The following FUT9 variants were observed in gnomAD, a reference collection of about 807,000 sequenced individuals.
The protein encoded by FUT9 is 4-galactosyl-N-acetylglucosaminide 3-alpha-L-fucosyltransferase 9.
In FUT9, 15 loss-of-function variants were observed where a neutral mutation model predicts 29.7. The ratio of observed to expected loss-of-function variants is 0.51; its 90% CI spans 0.34 to 0.78. FUT9 has a LOEUF of 0.78. FUT9 is among the 30% of genes least tolerant of loss of function. The pLI, the probability that FUT9 is intolerant of heterozygous loss-of-function variation, is 0.01. For synonymous variants in FUT9, 169 were observed against 153.7 expected (o/e 1.10, Z -0.74); for missense variants, 319 against 425.4 (o/e 0.75, Z 2.20).
intron 1 of FUT9, among the ~76,000 whole-genome samples, chr6:96,105,914 T>A (rs1356216974): frequency 1.3e-5 from 2 of 152,214 alleles, no homozygotes; most frequent in Non-Finnish European, 2.9e-5. Flanking sequence ...AGCCATTAGA[T>A]GATTCTTATG....
chr6:96,120,079 T>A (rs1407780127), intron 2 of FUT9, among the ~76,000 whole-genome samples: 2 of 152,124 alleles, frequency 1.3e-5, no homozygotes, highest in African/African-American at 2.4e-5. Flanking sequence ...AAAAGAATAT[T>A]ATCAAATCTA....
intron 1 of FUT9, among the ~76,000 whole-genome samples, chr6:96,065,091 G>T (rs988703837): frequency 1.1e-4 from 16 of 152,220 alleles, no homozygotes; most frequent in African/African-American, 3.4e-4. Flanking sequence ...TTAGTAGAAA[G>T]AACACTAGAT....
chr6:96,198,357 A>C (rs1439957404), intron 2 of FUT9, among the ~76,000 whole-genome samples: 1 of 151,054 alleles, frequency 6.6e-6, no homozygotes, highest in Non-Finnish European at 1.5e-5. Flanking sequence ...TATGAGTGAG[A>C]ATATGCAGTG....
intron 2 of FUT9, among the ~76,000 whole-genome samples, chr6:96,172,066 T>C (rs1773122126): frequency 6.6e-6 from 1 of 152,102 alleles, no homozygotes; most frequent in Non-Finnish European, 1.5e-5. Flanking sequence ...AAGTTCAAGA[T>C]CAGGGTGTGA....
chr6:96,117,406 A>T (rs1421421380), intron 2 of FUT9, among the ~76,000 whole-genome samples: 1 of 152,222 alleles, frequency 6.6e-6, no homozygotes, highest in Non-Finnish European at 1.5e-5. Context: ...ATAGATACAG[A>T]AATGGGTCTA....
intron 1 of FUT9, among the ~76,000 whole-genome samples, chr6:96,016,876 G>A (rs1769989521): frequency 6.6e-6 from 1 of 152,168 alleles, no homozygotes; most frequent in Admixed American, 6.5e-5. Flanking sequence ...ATTATCAAGC[G>A]TGAAAAAATA....
At chr6:96,116,720 T>A (rs1270480056) in intron 2 of FUT9, among the ~76,000 whole-genome samples, 1 of 152,148 alleles carries the variant, frequency 6.6e-6, no homozygotes, top group Non-Finnish European at 1.5e-5. Context: ...ATTCAATGTA[T>A]CTTAAATTCT....
At chr6:96,132,877 A>G (rs1772273385) in intron 2 of FUT9, among the ~76,000 whole-genome samples, 1 of 152,110 alleles carries the variant, frequency 6.6e-6, no homozygotes. Flanking sequence ...CAAATACACA[A>G]AAAGCATATT....
At chr6:96,035,135 T>C (rs532192076) in intron 1 of FUT9, among the ~76,000 whole-genome samples, 48 of 151,760 alleles carry the variant, frequency 3.2e-4, no homozygotes, top group African/African-American at 1.2e-3. Context: ...TTACCTTCTG[T>C]AATAGATTAT....
At chr6:96,099,144 T>C (rs1464606923) in intron 1 of FUT9, among the ~76,000 whole-genome samples, 2 of 151,986 alleles carry the variant, frequency 1.3e-5, no homozygotes, top group African/African-American at 4.8e-5. Flanking sequence ...GATGTGAAAA[T>C]CTGTATAAAG....
At position 96,212,535 on chromosome 6, in the gene FUT9, GA is replaced by G. The variant is rs542050258; in HGVS notation, c.*8308del. 1.3e-3 allele frequency: 540 copies of G among 402,568 alleles called. 3 individuals are homozygous for G. Among genetic ancestry groups the G allele is most frequent in the African/African-American group, 0.01 (502 of 48,338 alleles). 24.9% of individuals were successfully genotyped at this position (402,568 alleles called of 1,614,324 possible). ...TGAGAACAAGATTTTACTTAGAAGG[GA>G]AAAAAAAGAACTTTCAGCTTAATCG... On this transcript the variant is annotated 3_prime_UTR_variant, in exon 3 of 3. Transcript: ENST00000302103.
intron 1 of FUT9, chr6:96,021,015 T>C (rs1770059360): frequency 6.6e-6 from 1 of 152,024 alleles, no homozygotes; most frequent in African/African-American, 2.4e-5. Context: ...GCTTAGAGTT[T>C]AAGTGGAGAA....
At chr6:96,115,206 C>T (rs1017030530) in intron 2 of FUT9, among the ~76,000 whole-genome samples, 5 of 152,044 alleles carry the variant, frequency 3.3e-5, no homozygotes, top group African/African-American at 1.2e-4. Context: ...TTTCTCATGG[C>T]CACATTTTTT....
At chr6:96,051,761 CA>C (rs1235519906) in intron 1 of FUT9, among the ~76,000 whole-genome samples, 2 of 151,674 alleles carry the variant, frequency 1.3e-5, no homozygotes, top group African/African-American at 2.4e-5. Context: ...ACATGATTTG[CA>C]AACCAATATT....
At chr6:96,084,656 A>T (rs1412337274) in intron 1 of FUT9, among the ~76,000 whole-genome samples, 1 of 152,124 alleles carries the variant, frequency 6.6e-6, no homozygotes, top group Non-Finnish European at 1.5e-5. Flanking sequence ...GCTGTATATG[A>T]GCCATAAAAC....
chr6:96,085,642 G>A (rs1771304305), intron 1 of FUT9, among the ~76,000 whole-genome samples: 1 of 152,096 alleles, frequency 6.6e-6, no homozygotes, highest in African/African-American at 2.4e-5. Context: ...ACTAGATGCA[G>A]TCATAAGGAA....
chr6:96,156,165 A>G lies in FUT9; in HGVS notation c.-9+42038A>G, dbSNP rs571137116. 1.4e-4 allele frequency among the ~76,000 whole-genome samples: 22 copies of G among 152,320 alleles called. No homozygotes were observed. In the East Asian group the frequency reaches 4.3e-3, roughly 29 times the overall value. On this transcript the variant is annotated intron_variant, in intron 2 of 2. Coordinates refer to ENST00000302103, the MANE Select transcript of FUT9 (RefSeq NM_006581.4). ...TGCTATAGGAAAGTTTTCAAATTTC[A>G]CACTGGTCCCTGTAATTTTCCTTCC...
chr6:96,075,225 G>C (rs549262359), intron 1 of FUT9, among the ~76,000 whole-genome samples: 1 of 152,264 alleles, frequency 6.6e-6, no homozygotes, highest in Admixed American at 6.5e-5. Context: ...ACAACAAAAA[G>C]TTTGTTGTGT....
intron 2 of FUT9, among the ~76,000 whole-genome samples, chr6:96,129,838 G>C (rs921049284): frequency 6.6e-6 from 1 of 152,052 alleles, no homozygotes; most frequent in South Asian, 2.1e-4. Flanking sequence ...TATAACTGAA[G>C]TGAGTAAATG....
Sources: gnomAD v4.1 joint callset for allele counts (sites outside exome capture counted in the v4.1 genomes callset) on GRCh38, gnomAD v4.1.1 for gene constraint, MANE v1.5 for transcripts, NCBI Gene and HGNC (gene_info 2026-07-23, HGNC 2026-07-21) for gene names.